The following DAB1 variants were observed in gnomAD, a reference collection of about 807,000 sequenced individuals.
DAB1 encodes the protein DAB adaptor protein 1, also known as disabled homolog 1.
Under a neutral mutation model 64.6 loss-of-function variants are expected in DAB1, and 15 were observed. The observed-to-expected ratio is 0.23, with a 90% CI of 0.16 to 0.36. DAB1 has a LOEUF of 0.36. DAB1 is among the 10% of genes least tolerant of loss of function. The pLI is 1.00. For synonymous variants in DAB1, 235 were observed against 251.9 expected, an observed-to-expected ratio of 0.93 and a Z score of 0.64; for missense variants, 596 against 706.7, an observed-to-expected ratio of 0.84 and a Z score of 1.78.
rs185379266 is a variant in DAB1, at chr1:57,712,442, A to G, written n.552-62777T>C. Among the ~76,000 whole-genome samples the G allele has an allele frequency of 2.8e-4, 43 of 152,362 alleles. No individual in the cohort carries two copies. The East Asian group carries it at 6.5e-3, about 23-fold the overall frequency. ...TAGAGATAATTGAATCAAGTTTTGT[A>G]ACATACTTTTTGGGAATTGTGTAGC... On this transcript the variant is annotated intron_variant and non_coding_transcript_variant, in intron 6 of 20. Transcript: ENST00000485760.
At chr1:57,134,324 C>T (rs1248298655) in intron 4 of DAB1, among the ~76,000 whole-genome samples, 1 of 152,062 alleles carries the variant, frequency 6.6e-6, no homozygotes, top group Non-Finnish European at 1.5e-5. Flanking sequence ...GTGGCTCATG[C>T]CTGTAATCCC....
intron 2 of DAB1, among the ~76,000 whole-genome samples, chr1:57,267,784 T>C (rs1243687750): frequency 1.3e-5 from 2 of 152,116 alleles, no homozygotes; most frequent in African/African-American, 4.8e-5. Context: ...CCAAAACACA[T>C]ATCGGGAAAC....
At chr1:57,845,508 T>A (rs942967894) in intron 1 of DAB1, among the ~76,000 whole-genome samples, 1 of 152,214 alleles carries the variant, frequency 6.6e-6, no homozygotes, top group Non-Finnish European at 1.5e-5. Flanking sequence ...GATTTGCGTT[T>A]AAGCCAGACT....
chr1:58,373,149 A>ATTTTTT (rs1644283817), intron 3 of DAB1, among the ~76,000 whole-genome samples: 1 of 151,560 alleles, frequency 6.6e-6, no homozygotes, highest in Non-Finnish European at 1.5e-5. Flanking sequence ...TTCTAACCAA[A>ATTTTTT]GCATCCAGCT....
At chr1:57,936,598 T>A (rs920368295) in intron 5 of DAB1, among the ~76,000 whole-genome samples, 1 of 152,144 alleles carries the variant, frequency 6.6e-6, no homozygotes, top group Admixed American at 6.5e-5. Context: ...CGATGGGATT[T>A]CGCCATGTTG....
intron 5 of DAB1, among the ~76,000 whole-genome samples, chr1:58,062,409 A>G (rs2100553046): frequency 6.6e-6 from 1 of 152,356 alleles, no homozygotes. Flanking sequence ...GGTCTTGGTT[A>G]CCTTCAAATG....
intron 4 of DAB1, among the ~76,000 whole-genome samples, chr1:57,109,277 A>C (rs1285218349): frequency 6.6e-6 from 1 of 152,114 alleles, no homozygotes; most frequent in Non-Finnish European, 1.5e-5. Context: ...CCTCTAGTTC[A>C]TGTTGGGGTT....
At chr1:57,049,988 T>C (rs72903371) in intron 9 of DAB1, among the ~76,000 whole-genome samples, 5,123 of 152,212 alleles carry the variant, frequency 0.034, 263 homozygotes, top group African/African-American at 0.12. Context: ...TCCTCTGGGC[T>C]CCCACTGGGC....
intron 4 of DAB1, among the ~76,000 whole-genome samples, chr1:57,077,075 C>A (rs912317978): frequency 5.3e-5 from 8 of 152,036 alleles, no homozygotes; most frequent in African/African-American, 1.9e-4. Flanking sequence ...AGGCTTGGGG[C>A]AGGAATGGGC....
At chr1:58,181,542 A>G (rs1430540968) in intron 4 of DAB1, among the ~76,000 whole-genome samples, 1 of 152,076 alleles carries the variant, frequency 6.6e-6, no homozygotes, top group Admixed American at 6.6e-5. Context: ...TGTGTAAGAT[A>G]GATATTTTCT....
chr1:57,152,188 G>A (rs1384612437), intron 2 of DAB1, among the ~76,000 whole-genome samples: 1 of 152,194 alleles, frequency 6.6e-6, no homozygotes, highest in Non-Finnish European at 1.5e-5. Context: ...CTGTCTGGGT[G>A]AGCATACCTC....
intron 5 of DAB1, among the ~76,000 whole-genome samples, chr1:58,107,176 A>C (rs1466316281): frequency 6.6e-6 from 1 of 151,800 alleles, no homozygotes; most frequent in Non-Finnish European, 1.5e-5. Context: ...AGTCTATAAA[A>C]AGGGCCGGGT....
intron 1 of DAB1, among the ~76,000 whole-genome samples, chr1:57,841,464 C>T (rs887856684): frequency 6.6e-6 from 1 of 152,200 alleles, no homozygotes; most frequent in Admixed American, 6.5e-5. Flanking sequence ...CTCTGCATTA[C>T]CCTAGTAGAA....
intron 5 of DAB1, among the ~76,000 whole-genome samples, chr1:58,047,078 T>A (rs1310390325): frequency 6.6e-6 from 1 of 152,200 alleles, no homozygotes; most frequent in African/African-American, 2.4e-5. Context: ...AATATATACA[T>A]AGCCTGAAAA....
intron 6 of DAB1, among the ~76,000 whole-genome samples, chr1:57,716,211 G>A (rs1240703979): frequency 1.3e-5 from 2 of 151,922 alleles, no homozygotes; most frequent in Non-Finnish European, 2.9e-5. Flanking sequence ...CCCAGCCCAT[G>A]ACATTCTTCA....
intron 4 of DAB1, among the ~76,000 whole-genome samples, chr1:58,182,774 T>G (rs1384183637): frequency 6.6e-6 from 1 of 152,090 alleles, no homozygotes; most frequent in Admixed American, 6.5e-5. Flanking sequence ...AGTCTTTTTC[T>G]GCGAAGTCCA....
chr1:57,117,405 A>G (rs1027162849), intron 4 of DAB1, among the ~76,000 whole-genome samples: 6 of 152,224 alleles, frequency 3.9e-5, no homozygotes, highest in African/African-American at 1.4e-4. Flanking sequence ...GAAGCTACTC[A>G]TTTTATAGAT....
chr1:57,378,159 CA>C, intron 1 of DAB1, among the ~76,000 whole-genome samples: 1 of 152,164 alleles, frequency 6.6e-6, no homozygotes, highest in Non-Finnish European at 1.5e-5. Flanking sequence ...TCTGGAGGGA[CA>C]AACAAAAGAC....
intron 6 of DAB1, among the ~76,000 whole-genome samples, chr1:57,667,941 C>T (rs1558592618): frequency 6.6e-6 from 1 of 151,796 alleles, no homozygotes; most frequent in Non-Finnish European, 1.5e-5. Flanking sequence ...GGCTTAAAAC[C>T]TAGATGATGA....
Sources: allele counts gnomAD v4.1 joint callset (sites outside exome capture counted in the v4.1 genomes callset), GRCh38; gene constraint gnomAD v4.1.1; transcripts MANE v1.5; gene names NCBI Gene and HGNC (gene_info 2026-07-23, HGNC 2026-07-21).